CA1: variants seen among roughly 807,000 people sequenced by gnomAD.
The protein encoded by CA1 is carbonic anhydrase 1.
A neutral mutation model predicts 28.8 loss-of-function variants in CA1; 27 were observed. That is an observed-to-expected ratio of 0.94 (90% CI 0.69 to 1.29). CA1 has a LOEUF of 1.29. CA1 is among the 50% of genes most tolerant of loss of function. CA1 has a pLI of 0.00. For missense variants in CA1, 335 were observed against 310.5 expected, an observed-to-expected ratio of 1.08 and a Z score of -0.59; for synonymous variants, 121 against 108.8, an observed-to-expected ratio of 1.11 and a Z score of -0.70.
At chr8:85,344,793 T>G (rs1381431279) in intron 1 of CA1, among the ~76,000 whole-genome samples, 2 of 152,114 alleles carry the variant, frequency 1.3e-5, no homozygotes, top group African/African-American at 2.4e-5. Context: ...AGGACCAAAT[T>G]CCAAAAAGCC....
chr8:85,362,795 A>G (rs1809849091), intron 1 of CA1, among the ~76,000 whole-genome samples: 1 of 152,184 alleles, frequency 6.6e-6, no homozygotes, highest in African/African-American at 2.4e-5. Context: ...AGAGTCATCC[A>G]TTGATTCTAT....
At chr8:85,340,251 T>C (rs1458939401) in intron 2 of CA1, among the ~76,000 whole-genome samples, 4 of 152,254 alleles carry the variant, frequency 2.6e-5, no homozygotes, top group Non-Finnish European at 5.9e-5. Flanking sequence ...AACACTCATT[T>C]AACATTCTGA....
chr8:85,351,172 A>T (rs1433420185), intron 1 of CA1, among the ~76,000 whole-genome samples: 1 of 152,212 alleles, frequency 6.6e-6, no homozygotes, highest in East Asian at 1.9e-4. Flanking sequence ...TGAACATGAT[A>T]TTATTAGTAA....
chr8:85,370,442 CTT>C (rs1810174162), intron 1 of CA1, among the ~76,000 whole-genome samples: 5 of 151,926 alleles, frequency 3.3e-5, no homozygotes, highest in Admixed American at 2.6e-4. Context: ...TTAAAAAAAA[CTT>C]TTAAAATCTT....
At chr8:85,344,315 A>G (rs1239215071) in intron 1 of CA1, among the ~76,000 whole-genome samples, 1 of 31,020 alleles carries the variant, frequency 3.2e-5, no homozygotes, top group African/African-American at 1.1e-4. Flanking sequence ...TATATATTAT[A>G]CAGTATATAA....
intron 1 of CA1, among the ~76,000 whole-genome samples, chr8:85,346,659 G>A (rs1208722615): frequency 1.4e-4 from 22 of 152,288 alleles, no homozygotes; most frequent in Admixed American, 1.4e-3. Context: ...CTACTCGGGA[G>A]GCTGAGGCAG....
chr8:85,331,869 A>G (rs541659147), intron 6 of CA1, among the ~76,000 whole-genome samples: 4 of 151,216 alleles, frequency 2.6e-5, no homozygotes, highest in Non-Finnish European at 4.4e-5. Context: ...CTTATTTTTT[A>G]TCTCTGTCAT....
chr8:85,346,561 A>T (rs1477186277), intron 1 of CA1, among the ~76,000 whole-genome samples: 1 of 152,154 alleles, frequency 6.6e-6, no homozygotes, highest in East Asian at 1.9e-4. Context: ...CAGGAATTTG[A>T]GACCAGCCTG....
intron 4 of CA1, among the ~76,000 whole-genome samples, chr8:85,335,566 A>G (rs1455942358): frequency 6.6e-6 from 1 of 152,070 alleles, no homozygotes; most frequent in Non-Finnish European, 1.5e-5. Flanking sequence ...TCTCAAACCT[A>G]TTGTCTTATA....
chr8:85,355,765 TTATTTATTTTGTTTTAATGTAAC>T (rs1228919680), intron 1 of CA1, among the ~76,000 whole-genome samples: 1 of 152,036 alleles, frequency 6.6e-6, no homozygotes, highest in African/African-American at 2.4e-5. Context: ...TAAGTGCATT[TTATTTATTTTGTTTTAATGTAAC>T]TTGAAGCTAA....
intron 1 of CA1, among the ~76,000 whole-genome samples, chr8:85,362,536 A>C (rs1223992185): frequency 2.0e-5 from 3 of 152,148 alleles, no homozygotes; most frequent in African/African-American, 7.2e-5. Context: ...CCCTGGGTGT[A>C]ATTGAATTGG....
intron 1 of CA1, among the ~76,000 whole-genome samples, chr8:85,351,290 A>T (rs778662571): frequency 6.6e-6 from 1 of 152,224 alleles, no homozygotes; most frequent in Non-Finnish European, 1.5e-5. Flanking sequence ...TAATGTTTTT[A>T]AAAGACTCAT....
chr8:85,339,888 G>A (rs906734115), intron 2 of CA1, among the ~76,000 whole-genome samples: 10 of 152,194 alleles, frequency 6.6e-5, no homozygotes, highest in Non-Finnish European at 1.3e-4. Context: ...ATTCTGTGAA[G>A]CCTGAGAAAG....
chr8:85,361,002 C>T lies in CA1; in HGVS notation c.-25+17044G>A, dbSNP rs76694924. The stretch of plus-strand genomic sequence containing the variant: ...GGAATGTGGGTTCTGCAAGAAGTAA[C>T]TGATCCCTTCAGGAAATGCACCTTT... On this transcript the variant is annotated intron_variant, in intron 1 of 7. Coordinates refer to ENST00000523022, the MANE Select transcript of CA1 (RefSeq NM_001128831.4). Among the ~76,000 whole-genome samples the T allele has an allele frequency of 8.9e-3, 1,351 of 152,278 alleles. 57 individuals carry two copies. The East Asian group carries it at 0.099, about 11-fold the overall frequency.
chr8:85,353,788 A>G (rs1809499589), intron 1 of CA1, among the ~76,000 whole-genome samples: 1 of 152,164 alleles, frequency 6.6e-6, no homozygotes, highest in East Asian at 1.9e-4. Flanking sequence ...CAAAGTTGAA[A>G]TGAATGGTAC....
In CA1 at chr8:85,336,935, A is replaced by G. The variant is rs987281169; in HGVS notation, c.354+10T>C. On this transcript the variant is annotated intron_variant, in intron 4 of 7. Coordinates refer to ENST00000523022, the MANE Select transcript of CA1 (RefSeq NM_001128831.4). ...AGGGTAATTATCTCTCACTTACTAAATTACATTACCTCGGCAGAATATTTG... is the reference window on the plus strand; with the variant it reads ...AGGGTAATTATCTCTCACTTACTAAGTTACATTACCTCGGCAGAATATTTG... The G allele has an allele frequency of 4.6e-6, 7 of 1,521,808 alleles. No homozygotes were observed. The highest frequency in any genetic ancestry group is 4.6e-6 in the Non-Finnish European group (5 of 1,096,034). The allele number at this position is 1,521,808 out of a possible 1,614,324, so 94.3% of individuals were successfully genotyped here. A position where few individuals can be genotyped will look rare whatever the true frequency, so the allele number is the denominator to read the frequency against.
At chr8:85,333,845 C>G (rs923845389) in intron 4 of CA1, among the ~76,000 whole-genome samples, 1 of 152,176 alleles carries the variant, frequency 6.6e-6, no homozygotes, top group Non-Finnish European at 1.5e-5. Context: ...GCAAAATGTC[C>G]TTTCCTACGA....
chr8:85,338,424 A>G lies in CA1; in HGVS notation c.63T>C (p.Tyr21=). 1 of 1,613,882 alleles carries G rather than the reference A, an allele frequency of 6.2e-7. No individual in the cohort carries two copies. The highest frequency in any genetic ancestry group is 8.5e-7 in the Non-Finnish European group (1 of 1,179,878). The change falls in exon 3 of 8, where the codon TAT becomes TAC. Residue 21 remains tyrosine (Y), a synonymous_variant. Transcript: ENST00000523022. ...KNGPEQWSKL[Y]PIANGNNQSP... is the part of the protein sequence containing the mutation. ...ACTGGTTATTTCCATTGGCAATGGG[A>G]TACAGCTTGCTCCATTGTTCAGGAC...
rs1808502716 is a variant in CA1, at chr8:85,333,552, A to G, written c.423T>C (p.Gly141=). The change falls in exon 5 of 8, where the codon GGT becomes GGC. Residue 141 remains glycine (G), a synonymous_variant. Transcript: ENST00000523022. Reference sequence around the variant, plus strand: ...TCATCAAAACACCAATAACTGCCAAACCATCAGCCTTTGAGGCAGCTTCAG... The same window carrying G: ...TCATCAAAACACCAATAACTGCCAAGCCATCAGCCTTTGAGGCAGCTTCAG... ...SLAEAASKAD[G]LAVIGVLMKV... is the part of the protein sequence containing the mutation. 3 of 1,612,514 alleles carry G rather than the reference A, an allele frequency of 1.9e-6. No individual in the cohort carries two copies. The highest frequency in any genetic ancestry group is 2.7e-5 in the African/African-American group (2 of 74,890).
Sources: allele counts gnomAD v4.1 joint callset (sites outside exome capture counted in the v4.1 genomes callset), GRCh38; gene constraint gnomAD v4.1.1; transcripts MANE v1.5; gene names NCBI Gene and HGNC (gene_info 2026-07-23, HGNC 2026-07-21).